The following MACROD2 variants were observed in gnomAD, a reference collection of about 807,000 sequenced individuals.
MACROD2 encodes the protein mono-ADP ribosylhydrolase 2, also known as ADP-ribose glycohydrolase MACROD2.
A neutral mutation model predicts 70.4 loss-of-function variants in MACROD2; 36 were observed. That is an observed-to-expected ratio of 0.51 (90% CI 0.39 to 0.68). The LOEUF is 0.68. Ranked by LOEUF, MACROD2 falls within the 30% of genes least tolerant of loss-of-function variation. The pLI is 0.00. For missense variants in MACROD2, 496 were observed against 538.4 expected (o/e 0.92, Z 0.78); for synonymous variants, 172 against 178.8 (o/e 0.96, Z 0.30).
intron 4 of MACROD2, among the ~76,000 whole-genome samples, chr20:14,642,671 G>A (rs946896409): frequency 2.6e-5 from 4 of 152,126 alleles, no homozygotes; most frequent in African/African-American, 9.7e-5. Context: ...GCAATTGCTG[G>A]TTGGTGGAGC....
intron 4 of MACROD2, among the ~76,000 whole-genome samples, chr20:14,606,806 T>A (rs776042357): frequency 7.9e-5 from 12 of 152,240 alleles, no homozygotes; most frequent in Non-Finnish European, 1.6e-4. Context: ...TTTCATTATT[T>A]GTTAGAGTGA....
intron 4 of MACROD2, among the ~76,000 whole-genome samples, chr20:14,656,332 G>A (rs1044844680): frequency 7.2e-5 from 11 of 152,170 alleles, no homozygotes; most frequent in African/African-American, 2.2e-4. Flanking sequence ...GCCAATTGGC[G>A]ATCTCCTTAT....
At chr20:14,771,763 C>CAT (rs1491581621) in intron 5 of MACROD2, among the ~76,000 whole-genome samples, 2 of 150,164 alleles carry the variant, frequency 1.3e-5, no homozygotes, top group Admixed American at 1.3e-4. Flanking sequence ...CACACACACA[C>CAT]ATACACATAT....
intron 3 of MACROD2, chr20:14,128,122 T>G (rs1025654860): frequency 1.9e-6 from 1 of 532,844 alleles, no homozygotes; most frequent in East Asian, 4.7e-5. Context: ...CCAGAGAAGG[T>G]TGAAATCTTG....
intron 5 of MACROD2, among the ~76,000 whole-genome samples, chr20:15,124,919 A>G (rs1199764305): frequency 6.6e-6 from 1 of 151,918 alleles, no homozygotes; most frequent in Non-Finnish European, 1.5e-5. Context: ...AAAAAACACA[A>G]GTTCATTATA....
In MACROD2 at chr20:15,905,923, A is replaced by G. The variant is rs537603604; in HGVS notation, c.775+20112A>G. Among the ~76,000 whole-genome samples, 12 of 152,336 alleles carry G rather than the reference A, an allele frequency of 7.9e-5. No individual in the cohort carries two copies. In the South Asian group the frequency reaches 2.5e-3, roughly 32 times the overall value. On this transcript the variant is annotated intron_variant, in intron 10 of 17. Transcript: ENST00000684519. ...AATGATTTCATCTCCAGGGATCACC[A>G]TGCCTGAGGAATGACATGCAGAAAC...
chr20:14,081,349 G>A (rs2053992016), intron 2 of MACROD2, among the ~76,000 whole-genome samples: 1 of 152,000 alleles, frequency 6.6e-6, no homozygotes. Context: ...TCTATACTGA[G>A]GTCTCTTTCC....
chr20:15,207,436 GTTTTTTTTT>G (rs548522491), intron 5 of MACROD2, among the ~76,000 whole-genome samples: 2 of 84,588 alleles, frequency 2.4e-5, no homozygotes, highest in Non-Finnish European at 4.3e-5. Context: ...TTTGTTTCTG[GTTTTTTTTT>G]TTTTTTTTTT....
chr20:14,562,029 T>A (rs1308950734), intron 4 of MACROD2, among the ~76,000 whole-genome samples: 1 of 151,924 alleles, frequency 6.6e-6, no homozygotes, highest in Non-Finnish European at 1.5e-5. Context: ...AACAATTTAC[T>A]GATTCAACAG....
At chr20:15,673,781 G>GAAA (rs33967551) in intron 8 of MACROD2, among the ~76,000 whole-genome samples, 1,649 of 138,342 alleles carry the variant, frequency 0.012, 17 homozygotes, top group Non-Finnish European at 0.015. Flanking sequence ...CAGTAGGGAG[G>GAAA]AAAAAAAAAA....
At chr20:15,206,761 G>A (rs2076710589) in intron 5 of MACROD2, among the ~76,000 whole-genome samples, 1 of 32,346 alleles carries the variant, frequency 3.1e-5, no homozygotes, top group South Asian at 8.3e-4. Context: ...ACGGAGTCTC[G>A]CTCTGTCGCC....
intron 3 of MACROD2, among the ~76,000 whole-genome samples, chr20:14,471,977 G>A (rs1399277787): frequency 6.6e-6 from 1 of 152,084 alleles, no homozygotes; most frequent in Non-Finnish European, 1.5e-5. Context: ...TGATTTACAT[G>A]ATTTAAAATT....
At chr20:15,907,401 A>G (rs1481316070) in intron 10 of MACROD2, among the ~76,000 whole-genome samples, 1 of 152,220 alleles carries the variant, frequency 6.6e-6, no homozygotes, top group African/African-American at 2.4e-5. Context: ...ACTTTGGTTA[A>G]GTTTGGCAGA....
chr20:15,530,706 C>T lies in MACROD2; in HGVS notation c.645+30859C>T, dbSNP rs555796921. 3.0e-3 allele frequency among the ~76,000 whole-genome samples: 402 copies of T among 132,842 alleles called. 4 individuals carry two copies. The highest frequency in any genetic ancestry group is 4.7e-3 in the Non-Finnish European group (303 of 64,728). The allele number at this position is 132,842 out of a possible 152,430, so 87.1% of individuals were successfully genotyped here. A position where few individuals can be genotyped will look rare whatever the true frequency, so the allele number is the denominator to read the frequency against. Reference sequence around the variant, plus strand: ...CTCTATCCTGGGTGACAGAGTGAGACTCCATCTCACAAAAAAAAAAAAAAA... The same window carrying T: ...CTCTATCCTGGGTGACAGAGTGAGATTCCATCTCACAAAAAAAAAAAAAAA... On this transcript the variant is annotated intron_variant, in intron 8 of 17. Transcript: ENST00000684519.
At chr20:14,743,565 T>C (rs1361224357) in intron 5 of MACROD2, among the ~76,000 whole-genome samples, 1 of 152,224 alleles carries the variant, frequency 6.6e-6, no homozygotes, top group Non-Finnish European at 1.5e-5. Flanking sequence ...ATGTCCCAGT[T>C]AACACTTAGT....
chr20:15,379,129 A>ATTATTGG (rs2045606469), intron 6 of MACROD2, among the ~76,000 whole-genome samples: 1 of 152,224 alleles, frequency 6.6e-6, no homozygotes, highest in African/African-American at 2.4e-5. Context: ...TACAATAGTT[A>ATTATTGG]TTATTGGTTA....
chr20:14,912,512 G>C (rs2074039988), intron 5 of MACROD2, among the ~76,000 whole-genome samples: 1 of 152,082 alleles, frequency 6.6e-6, no homozygotes, highest in Admixed American at 6.6e-5. Context: ...TAGTCTTCAA[G>C]GGAATTTTCT....
At chr20:14,020,658 T>A (rs1432883729) in intron 2 of MACROD2, among the ~76,000 whole-genome samples, 1 of 152,182 alleles carries the variant, frequency 6.6e-6, no homozygotes, top group Non-Finnish European at 1.5e-5. Context: ...TTTCGTTTTA[T>A]TTATTGATTG....
chr20:15,860,054 G>C (rs2064404147), intron 8 of MACROD2, among the ~76,000 whole-genome samples: 1 of 152,128 alleles, frequency 6.6e-6, no homozygotes, highest in South Asian at 2.1e-4. Flanking sequence ...AGAATCACTT[G>C]AACCTGGGAG....
Sources: gnomAD v4.1 joint callset for allele counts (sites outside exome capture counted in the v4.1 genomes callset) on GRCh38, gnomAD v4.1.1 for gene constraint, MANE v1.5 for transcripts, NCBI Gene and HGNC (gene_info 2026-07-23, HGNC 2026-07-21) for gene names.